DNAAF9: variants seen among roughly 807,000 people sequenced by gnomAD.
The protein encoded by DNAAF9 is dynein axonemal assembly factor 9, also known as shulin.
In DNAAF9, 90 loss-of-function variants were observed where a neutral mutation model predicts 167.0. The ratio of observed to expected loss-of-function variants is 0.54; its 90% CI spans 0.45 to 0.64. The LOEUF (loss-of-function observed/expected upper bound fraction) is 0.64. Ranked by LOEUF, DNAAF9 falls within the 30% of genes least tolerant of loss-of-function variation. The pLI is 0.00. For missense variants in DNAAF9, 1,315 were observed against 1,442.2 expected (o/e 0.91, Z 1.43); for synonymous variants, 491 against 508.8 (o/e 0.96, Z 0.47).
chr20:3,257,618 A>T (rs2068303921), intron 33 of DNAAF9, among the ~76,000 whole-genome samples: 1 of 151,466 alleles, frequency 6.6e-6, no homozygotes, highest in African/African-American at 2.4e-5. Context: ...ATCTCGGCTC[A>T]CTGCAACGGC....
chr20:3,252,645 T>A lies in DNAAF9; in HGVS notation c.3461A>T (p.Asn1154Ile). 1 of 1,612,772 alleles carries A rather than the reference T, an allele frequency of 6.2e-7. No individual in the cohort carries two copies. ...QFMNDYVEEA[N>I]REIEKYNQEL... ...CTGGTTATACTTCTCAATTTCCCGG[T>A]TGGCTTCTTCCACGTAGTCATTCAT... The change falls in exon 37 of 37, where the codon AAC (asparagine) becomes ATC (isoleucine). Residue 1154 changes from asparagine to isoleucine, a missense_variant. Asn to Ile is a moderately radical substitution (Grantham distance 149). Transcript: ENST00000252032.
intron 1 of DNAAF9, among the ~76,000 whole-genome samples, chr20:3,399,732 G>A (rs1451585442): frequency 6.6e-6 from 1 of 152,128 alleles, no homozygotes; most frequent in Non-Finnish European, 1.5e-5. Flanking sequence ...CTGTGATCAT[G>A]GAGCTATGGT....
At chr20:3,313,584 G>C (rs1034037256) in intron 20 of DNAAF9, among the ~76,000 whole-genome samples, 5 of 152,204 alleles carry the variant, frequency 3.3e-5, no homozygotes, top group African/African-American at 1.2e-4. Flanking sequence ...ATGTTATTTT[G>C]AGGAAGCCAA....
At chr20:3,359,393 T>C (rs2083330580) in intron 7 of DNAAF9, 123 bp downstream of exon 7, 1 of 693,894 alleles carries the variant, frequency 1.4e-6, no homozygotes, top group African/African-American at 1.9e-5. Context: ...AGGAAGAAAC[T>C]GCTCTATTTT....
intron 26 of DNAAF9, 51 bp downstream of exon 26, chr20:3,290,078 G>C: frequency 8.4e-7 from 1 of 1,190,412 alleles, no homozygotes; most frequent in Non-Finnish European, 1.3e-6. Context: ...TGCCTAGGCA[G>C]GCCCAAGTTA....
At chr20:3,318,200 T>C (rs1168705193) in intron 17 of DNAAF9, 89 bp downstream of exon 17, 3 of 652,594 alleles carry the variant, frequency 4.6e-6, no homozygotes, top group Non-Finnish European at 8.3e-6. Flanking sequence ...CAGTTTATTG[T>C]TGGCCTTTTG....
At chr20:3,264,299 C>G in intron 31 of DNAAF9, 139 bp downstream of exon 31, 1 of 614,262 alleles carries the variant, frequency 1.6e-6, no homozygotes, top group Non-Finnish European at 2.9e-6. Context: ...GCCGGACAGG[C>G]AGGCCGTGCC....
chr20:3,361,781 G>T, intron 6 of DNAAF9: 3 of 1,100,992 alleles, frequency 2.7e-6, no homozygotes, highest in South Asian at 3.3e-5. Context: ...GTACTCTGAG[G>T]TCTACAAGAC....
intron 10 of DNAAF9, among the ~76,000 whole-genome samples, chr20:3,333,379 T>G (rs895181992): frequency 1.3e-5 from 2 of 152,182 alleles, no homozygotes; most frequent in Non-Finnish European, 2.9e-5. Context: ...TAAAGGAACA[T>G]TAGTAAGTAC....
At chr20:3,275,968 C>T (rs767623425) in intron 29 of DNAAF9, among the ~76,000 whole-genome samples, 4 of 152,216 alleles carry the variant, frequency 2.6e-5, no homozygotes, top group Non-Finnish European at 5.9e-5. Flanking sequence ...AAAGTATCTC[C>T]ACTTTGCTCT....
intron 3 of DNAAF9, among the ~76,000 whole-genome samples, chr20:3,380,566 T>C (rs1441048585): frequency 1.3e-5 from 2 of 152,230 alleles, no homozygotes; most frequent in African/African-American, 4.8e-5. Context: ...CAATCAAAAA[T>C]GTCTTCAGAC....
chr20:3,404,236 A>G (rs1390811834), intron 1 of DNAAF9, among the ~76,000 whole-genome samples: 1 of 152,134 alleles, frequency 6.6e-6, no homozygotes, highest in African/African-American at 2.4e-5. Flanking sequence ...GGGTTTCACC[A>G]TGTTGGTCAG....
intron 36 of DNAAF9, 115 bp downstream of exon 36, chr20:3,253,611 T>A: frequency 1.4e-6 from 1 of 702,558 alleles, no homozygotes; most frequent in Non-Finnish European, 2.6e-6. Flanking sequence ...ACATGCAGAG[T>A]GCTCCTGGGG....
At chr20:3,322,291 G>A in intron 15 of DNAAF9, 29 bp from the exon 16 acceptor site, 1 of 1,545,742 alleles carries the variant, frequency 6.5e-7, no homozygotes, top group Non-Finnish European at 8.9e-7. Context: ...GGAAGACTAT[G>A]TTAAAGAGTT....
intron 8 of DNAAF9, among the ~76,000 whole-genome samples, chr20:3,345,504 C>A (rs1234978060): frequency 1.3e-5 from 2 of 152,072 alleles, no homozygotes; most frequent in East Asian, 3.9e-4. Context: ...AACTGTATAG[C>A]TGGGATTCTA....
intron 6 of DNAAF9, among the ~76,000 whole-genome samples, chr20:3,364,993 G>C (rs1159891203): frequency 6.7e-6 from 1 of 149,910 alleles, no homozygotes; most frequent in Non-Finnish European, 1.5e-5. Flanking sequence ...ACCCAGGCTG[G>C]AGTGCGGTGG....
At chr20:3,372,969 T>C (rs1204630230) in intron 6 of DNAAF9, among the ~76,000 whole-genome samples, 1 of 152,234 alleles carries the variant, frequency 6.6e-6, no homozygotes, top group Non-Finnish European at 1.5e-5. Context: ...CTAACCCCTA[T>C]GGTCTGCCTC....
chr20:3,270,496 A>G lies in DNAAF9; in HGVS notation c.2717T>C (p.Leu906Pro). The change falls in exon 30 of 37, where the codon CTG becomes CCG. Residue 906 changes from leucine to proline, a missense_variant. Transcript: ENST00000252032. ...ATTGGCAGCCCTGATGAGGCTCTGC[A>G]GCTGAACAAGGAGAGGGTGCCGCTG... is the stretch of plus-strand genomic sequence containing the variant. ...TEQRHPLLVQ[L>P]QSLIRAANPA... is the part of the protein sequence containing the mutation. 1 of 1,613,400 alleles carries G rather than the reference A, an allele frequency of 6.2e-7. No homozygotes were observed. The highest frequency in any genetic ancestry group is 8.5e-7 in the Non-Finnish European group (1 of 1,179,478).
intron 27 of DNAAF9, among the ~76,000 whole-genome samples, chr20:3,284,814 AAAATT>A (rs2068823019): frequency 1.3e-5 from 2 of 152,186 alleles, no homozygotes; most frequent in Admixed American, 1.3e-4. Context: ...CAAATTCTCT[AAAATT>A]AATTTTTTAA....
Sources: allele counts gnomAD v4.1 joint callset (sites outside exome capture counted in the v4.1 genomes callset), GRCh38; gene constraint gnomAD v4.1.1; transcripts MANE v1.5; gene names NCBI Gene and HGNC (gene_info 2026-07-23, HGNC 2026-07-21).